Variants in FAM13A observed in about 807,000 individuals in gnomAD.
FAM13A encodes the protein protein FAM13A.
In FAM13A, 76 loss-of-function variants were observed where a neutral mutation model predicts 129.6. That is an observed-to-expected ratio of 0.59 (90% CI 0.49 to 0.71). The LOEUF (loss-of-function observed/expected upper bound fraction) is 0.71. Ranked by LOEUF, FAM13A falls within the 30% of genes least tolerant of loss-of-function variation. The probability of loss-of-function intolerance (pLI) is 0.00; values close to 1 mark genes in which losing one functional copy is unlikely to be tolerated. For missense variants in FAM13A, 1,108 were observed against 1,249.3 expected (o/e 0.89, Z 1.70); for synonymous variants, 443 against 449.9 (o/e 0.98, Z 0.20).
intron 8 of FAM13A, among the ~76,000 whole-genome samples, chr4:88,793,426 G>A (rs1725564207): frequency 6.6e-6 from 1 of 151,966 alleles, no homozygotes; most frequent in Non-Finnish European, 1.5e-5. Context: ...TTTTAGGACA[G>A]TTTTAGAATA....
intron 4 of FAM13A, among the ~76,000 whole-genome samples, chr4:88,969,996 A>G (rs1255947089): frequency 1.3e-5 from 2 of 152,184 alleles, no homozygotes; most frequent in Non-Finnish European, 2.9e-5. Context: ...TGGATTCCCA[A>G]CCAAAACTGG....
At chr4:88,905,406 C>G (rs562381262) in intron 6 of FAM13A, among the ~76,000 whole-genome samples, 19 of 151,986 alleles carry the variant, frequency 1.3e-4, no homozygotes, top group African/African-American at 4.6e-4. Flanking sequence ...TTATATATTT[C>G]TTTTCAAAAT....
chr4:89,037,301 G>A (rs1769514491), intron 1 of FAM13A, among the ~76,000 whole-genome samples: 1 of 152,250 alleles, frequency 6.6e-6, no homozygotes, highest in Non-Finnish European at 1.5e-5. Flanking sequence ...GAAACAAGGA[G>A]TGAAAGAAGA....
intron 5 of FAM13A, among the ~76,000 whole-genome samples, chr4:88,929,707 T>C (rs1752749932): frequency 6.6e-6 from 1 of 152,136 alleles, no homozygotes; most frequent in Admixed American, 6.6e-5. Context: ...CTGTATTTGC[T>C]TCAGTGCATT....
chr4:88,806,485 A>G, intron 7 of FAM13A, among the ~76,000 whole-genome samples: 1 of 152,218 alleles, frequency 6.6e-6, no homozygotes, highest in East Asian at 1.9e-4. Flanking sequence ...ACTGTAAAAC[A>G]CACACAAGCA....
chr4:88,887,626 G>A (rs1360756805), intron 6 of FAM13A, among the ~76,000 whole-genome samples: 1 of 151,634 alleles, frequency 6.6e-6, no homozygotes, highest in African/African-American at 2.4e-5. Flanking sequence ...TGCCTCGAGG[G>A]ATCAAGTGAT....
At chr4:88,735,536 T>C (rs1444434658) in intron 21 of FAM13A, among the ~76,000 whole-genome samples, 1 of 152,172 alleles carries the variant, frequency 6.6e-6, no homozygotes, top group African/African-American at 2.4e-5. Context: ...TAGGTTTCTT[T>C]GGGTTGGAAA....
chr4:88,813,227 T>C (rs1730022098), intron 7 of FAM13A, among the ~76,000 whole-genome samples: 1 of 152,140 alleles, frequency 6.6e-6, no homozygotes. Context: ...AAAAAAATTA[T>C]TTCACTTCAC....
At chr4:88,940,914 T>G (rs370030980) in intron 4 of FAM13A, among the ~76,000 whole-genome samples, 4 of 152,304 alleles carry the variant, frequency 2.6e-5, no homozygotes, top group African/African-American at 9.6e-5. Flanking sequence ...GCAAAAACAC[T>G]GCCAACGTGG....
At chr4:88,895,411 T>G (rs1262275126) in intron 6 of FAM13A, among the ~76,000 whole-genome samples, 1 of 151,324 alleles carries the variant, frequency 6.6e-6, no homozygotes, top group Non-Finnish European at 1.5e-5. Context: ...AAGACAAAAT[T>G]GACAAATGGG....
intron 1 of FAM13A, among the ~76,000 whole-genome samples, chr4:89,043,281 CACTA>C (rs1248319331): frequency 3.9e-5 from 6 of 152,264 alleles, no homozygotes; most frequent in South Asian, 2.1e-4. Flanking sequence ...TAGAAAAATA[CACTA>C]ACTAAGAGTG....
At position 88,794,047 on chromosome 4, in the gene FAM13A, G is replaced by A. The variant is rs561117805; in HGVS notation, c.1050-3420C>T. Among the ~76,000 whole-genome samples, 16 of 152,092 alleles carry A rather than the reference G, an allele frequency of 1.1e-4. No homozygotes were observed. In the South Asian group the frequency reaches 3.3e-3, roughly 32 times the overall value. On this transcript the variant is annotated intron_variant, in intron 8 of 23. Transcript: ENST00000264344. ...GATAAAGAAATTTCCTTCTTCATCT[G>A]TATGTAGCTTGCTTTTTACCCTCTT...
intron 7 of FAM13A, among the ~76,000 whole-genome samples, chr4:88,836,997 T>A (rs1385969127): frequency 6.6e-6 from 1 of 151,996 alleles, no homozygotes; most frequent in Non-Finnish European, 1.5e-5. Flanking sequence ...ATGATTATTT[T>A]TATTTTACTT....
At chr4:88,746,210 G>T (rs1051530140) in intron 19 of FAM13A, among the ~76,000 whole-genome samples, 1 of 152,070 alleles carries the variant, frequency 6.6e-6, no homozygotes, top group African/African-American at 2.4e-5. Context: ...GTTTTGTTAG[G>T]TCTCTGACAA....
chr4:88,945,758 G>GTA lies in FAM13A; in HGVS notation c.606-7519_606-7518dup, dbSNP rs1338690619. Among the ~76,000 whole-genome samples, 433 of 124,138 alleles carry GTA rather than the reference G, an allele frequency of 3.5e-3. 4 individuals are homozygous for GTA. Among genetic ancestry groups the GTA allele is most frequent in the Middle Eastern group, 0.016 (4 of 246 alleles). 81.4% of individuals were successfully genotyped at this position (124,138 alleles called of 152,430 possible). Reference sequence around the variant, plus strand: ...TACTATAAGATTGCAACCACTATTAGTATATATATATATACTATGTGGTTG... The same window carrying GTA: ...TACTATAAGATTGCAACCACTATTAGTATATATATATATATACTATGTGGTTG... On this transcript the variant is annotated intron_variant, in intron 4 of 23. Transcript: ENST00000264344.
intron 8 of FAM13A, among the ~76,000 whole-genome samples, chr4:88,799,777 C>G (rs1040995295): frequency 6.6e-6 from 1 of 152,230 alleles, no homozygotes; most frequent in Non-Finnish European, 1.5e-5. Context: ...GCCACTGTGC[C>G]TGGCCCCAAC....
intron 11 of FAM13A, among the ~76,000 whole-genome samples, chr4:88,772,958 G>A (rs1057130464): frequency 6.6e-6 from 1 of 152,210 alleles, no homozygotes; most frequent in Non-Finnish European, 1.5e-5. Flanking sequence ...AGTTAGAAGA[G>A]TATTCACTTT....
rs2149474305 is a variant in FAM13A, at chr4:88,750,641, G to A, written c.1727-4C>T. The A allele has an allele frequency of 6.3e-7, 1 of 1,584,226 alleles. No homozygotes were observed. Among genetic ancestry groups the A allele is most frequent in the Non-Finnish European group, 8.5e-7 (1 of 1,173,950 alleles). On this transcript the variant is annotated splice_polypyrimidine_tract_variant and splice_region_variant and intron_variant, in intron 14 of 23. Transcript: ENST00000264344. ...GAGGAGAAAGCAGGGATAGGCTCTG[G>A]AAGATAAGGGCAGTAAGATCAGGAC... is the stretch of plus-strand genomic sequence containing the variant.
chr4:88,899,134 A>G (rs1746843240), intron 6 of FAM13A, among the ~76,000 whole-genome samples: 1 of 151,822 alleles, frequency 6.6e-6, no homozygotes, highest in Non-Finnish European at 1.5e-5. Context: ...ATACATACAT[A>G]CGTATATATA....
Sources: allele counts gnomAD v4.1 joint callset (sites outside exome capture counted in the v4.1 genomes callset), GRCh38; gene constraint gnomAD v4.1.1; transcripts MANE v1.5; gene names NCBI Gene and HGNC (gene_info 2026-07-23, HGNC 2026-07-21).